RBFOX1: variants seen among roughly 807,000 people sequenced by gnomAD.
The protein encoded by RBFOX1 is RNA binding protein fox-1 homolog 1.
A neutral mutation model predicts 57.7 loss-of-function variants in RBFOX1; 8 were observed. That is an observed-to-expected ratio of 0.14 (90% CI 0.08 to 0.25). The LOEUF (loss-of-function observed/expected upper bound fraction) is 0.25. Among genes scored for constraint, RBFOX1 ranks in the 10% least tolerant of loss-of-function variants. The pLI is 1.00. For missense variants in RBFOX1, 611 were observed against 548.5 expected, an observed-to-expected ratio of 1.11 and a Z score of -1.14; for synonymous variants, 326 against 222.4, an observed-to-expected ratio of 1.47 and a Z score of -4.15.
chr16:7,154,435 A>T (rs1254255190), intron 4 of RBFOX1, among the ~76,000 whole-genome samples: 2 of 152,224 alleles, frequency 1.3e-5, no homozygotes, highest in East Asian at 3.8e-4. Context: ...CCATCACAGA[A>T]GGACAATAGA....
intron 3 of RBFOX1, among the ~76,000 whole-genome samples, chr16:6,771,966 C>G (rs956137943): frequency 2.0e-5 from 3 of 152,068 alleles, no homozygotes; most frequent in African/African-American, 7.2e-5. Context: ...TATATAAGAT[C>G]CTCAAAATAA....
At chr16:6,162,890 T>G (rs918318262) in intron 1 of RBFOX1, among the ~76,000 whole-genome samples, 3 of 152,080 alleles carry the variant, frequency 2.0e-5, no homozygotes, top group African/African-American at 7.2e-5. Context: ...TGCACCACCA[T>G]GCCAGGCTAA....
chr16:6,730,392 A>G (rs113145741), intron 3 of RBFOX1, among the ~76,000 whole-genome samples: 4,548 of 152,050 alleles, frequency 0.03, 104 homozygotes, highest in African/African-American at 0.053. Context: ...CTCTGTCTCT[A>G]TCATCTGTGC....
At chr16:5,506,322 C>T (rs11865587) in intron 2 of RBFOX1, among the ~76,000 whole-genome samples, 2,333 of 152,278 alleles carry the variant, frequency 0.015, 59 homozygotes, top group African/African-American at 0.053. Flanking sequence ...AGACGTAAGT[C>T]GCGGATAGCT....
intron 3 of RBFOX1, among the ~76,000 whole-genome samples, chr16:6,880,944 G>A (rs1457666358): frequency 6.6e-6 from 1 of 152,158 alleles, no homozygotes; most frequent in Non-Finnish European, 1.5e-5. Flanking sequence ...GCTACATTAG[G>A]AGATTCAATC....
intron 2 of RBFOX1, chr16:6,483,286 C>T: frequency 7.3e-7 from 1 of 1,374,256 alleles, no homozygotes; most frequent in Non-Finnish European, 9.4e-7. Flanking sequence ...CCTCCTTGCA[C>T]GGGCTGCTCG....
At chr16:5,639,704 G>A (rs999699587) in intron 3 of RBFOX1, among the ~76,000 whole-genome samples, 1 of 152,152 alleles carries the variant, frequency 6.6e-6, no homozygotes, top group African/African-American at 2.4e-5. Flanking sequence ...GGCTGTAGGT[G>A]GCTGAGGTGG....
At chr16:5,713,516 C>G (rs117092237) in intron 3 of RBFOX1, among the ~76,000 whole-genome samples, 9 of 152,076 alleles carry the variant, frequency 5.9e-5, no homozygotes, top group Non-Finnish European at 1.5e-5. Context: ...ACTCTTTGTT[C>G]CTAAGGAGGG....
chr16:5,701,382 T>C (rs1270164009), intron 3 of RBFOX1, among the ~76,000 whole-genome samples: 1 of 152,236 alleles, frequency 6.6e-6, no homozygotes, highest in African/African-American at 2.4e-5. Flanking sequence ...GAGAATATAT[T>C]GTGATGCCTC....
chr16:7,300,752 A>G (rs1249752576), intron 4 of RBFOX1, among the ~76,000 whole-genome samples: 3 of 152,186 alleles, frequency 2.0e-5, no homozygotes, highest in South Asian at 2.1e-4. Context: ...AAAAGTTACA[A>G]TATTATTTTA....
At chr16:6,212,121 G>T (rs1049041300) in intron 1 of RBFOX1, among the ~76,000 whole-genome samples, 1 of 152,116 alleles carries the variant, frequency 6.6e-6, no homozygotes, top group African/African-American at 2.4e-5. Context: ...GCCTCCCAAT[G>T]TGTTGAGATT....
At chr16:6,626,265 C>G (rs923541358) in intron 2 of RBFOX1, among the ~76,000 whole-genome samples, 1 of 151,780 alleles carries the variant, frequency 6.6e-6, no homozygotes, top group Non-Finnish European at 1.5e-5. Flanking sequence ...CCCGGGTGTC[C>G]TTTAAGTGTT....
intron 2 of RBFOX1, among the ~76,000 whole-genome samples, chr16:6,535,050 G>T (rs1052334504): frequency 1.2e-4 from 18 of 152,168 alleles, no homozygotes; most frequent in African/African-American, 4.3e-4. Context: ...ATTGGATTCC[G>T]CATCCTGCAG....
intron 2 of RBFOX1, among the ~76,000 whole-genome samples, chr16:5,533,978 G>A (rs772163114): frequency 2.0e-5 from 3 of 152,146 alleles, no homozygotes; most frequent in Non-Finnish European, 2.9e-5. Flanking sequence ...CCACACATTC[G>A]GAGGCTATGT....
intron 3 of RBFOX1, among the ~76,000 whole-genome samples, chr16:6,886,879 A>T (rs960372134): frequency 6.6e-6 from 1 of 152,204 alleles, no homozygotes; most frequent in Non-Finnish European, 1.5e-5. Context: ...TGCTTCCGAA[A>T]TTTTGTTGCA....
At chr16:5,822,820 A>T (rs144063613) in intron 3 of RBFOX1, among the ~76,000 whole-genome samples, 8 of 152,286 alleles carry the variant, frequency 5.3e-5, no homozygotes, top group African/African-American at 1.9e-4. Context: ...GCCCAGGTTT[A>T]AGTTCCAGCT....
At chr16:6,957,231 A>G (rs570921651) in intron 3 of RBFOX1, among the ~76,000 whole-genome samples, 123 of 151,430 alleles carry the variant, frequency 8.1e-4, no homozygotes, top group African/African-American at 3.0e-3. Flanking sequence ...TCCCGGGTTC[A>G]CGCCATTCTC....
At chr16:6,684,382 G>C (rs1423039282) in intron 3 of RBFOX1, among the ~76,000 whole-genome samples, 1 of 152,172 alleles carries the variant, frequency 6.6e-6, no homozygotes, top group Non-Finnish European at 1.5e-5. Flanking sequence ...CAGCCATTGA[G>C]GGCAGATGTT....
intron 1 of RBFOX1, among the ~76,000 whole-genome samples, chr16:6,106,681 T>C (rs2096383868): frequency 6.6e-6 from 1 of 152,024 alleles, no homozygotes; most frequent in Non-Finnish European, 1.5e-5. Context: ...TCTTTTCCTT[T>C]TTTTGAGACG....
Sources: gnomAD v4.1 joint callset for allele counts (sites outside exome capture counted in the v4.1 genomes callset) on GRCh38, gnomAD v4.1.1 for gene constraint, MANE v1.5 for transcripts, NCBI Gene and HGNC (gene_info 2026-07-23, HGNC 2026-07-21) for gene names.